PDXK: variants seen among roughly 807,000 people sequenced by gnomAD.
PDXK encodes the protein pyridoxal kinase.
PDXK carries 15 observed loss-of-function variants against 43.2 expected under a neutral mutation model. The ratio of observed to expected loss-of-function variants is 0.35; its 90% CI spans 0.23 to 0.53. PDXK has a LOEUF of 0.53. Among genes scored for constraint, PDXK ranks in the 20% least tolerant of loss-of-function variants. PDXK has a pLI of 0.92. For synonymous variants in PDXK, 172 were observed against 165.4 expected, an observed-to-expected ratio of 1.04 and a Z score of -0.31; for missense variants, 343 against 417.0, an observed-to-expected ratio of 0.82 and a Z score of 1.54.
intron 7 of PDXK, among the ~76,000 whole-genome samples, 200 bp downstream of exon 7, chr21:43,750,745 GTGTGCA>G (rs759824544): frequency 1.7e-4 from 25 of 149,766 alleles, no homozygotes; most frequent in Non-Finnish European, 2.9e-4. Flanking sequence ...GTGTGTGTGT[GTGTGCA>G]TGTGTGCGTG....
At position 43,737,591 on chromosome 21, in the gene PDXK, G is replaced by T; in HGVS notation, c.142+3468G>T. 1 of 990,990 alleles carries T rather than the reference G, an allele frequency of 1.0e-6. No individual in the cohort carries two copies. Among genetic ancestry groups the T allele is most frequent in the Non-Finnish European group, 1.2e-6 (1 of 833,488 alleles). 61.4% of individuals were successfully genotyped at this position (990,990 alleles called of 1,614,324 possible). ...GAGGGGATGGGACAGGTGCCCTGCT[G>T]CTGGGCTTGGTGGTCCCTGCTGCAG... On this transcript the variant is annotated intron_variant, in intron 2 of 10. Transcript: ENST00000291565. This position sits in a 1 kb window ranked among gnomAD's most constrained non-coding sequence, Gnocchi z 4.8.
chr21:43,741,540 T>G, intron 2 of PDXK, 127 bp from the exon 3 acceptor site: 1 of 1,505,166 alleles, frequency 6.6e-7, no homozygotes, highest in Non-Finnish European at 8.9e-7. Context: ...CCTTCGGGTT[T>G]GAGCCAGTCC....
In PDXK at chr21:43,746,275, G is replaced by A. The variant is rs1488532368; in HGVS notation, c.378+150G>A. On this transcript the variant is annotated intron_variant, in intron 5 of 10. Coordinates refer to ENST00000291565, the MANE Select transcript of PDXK (RefSeq NM_003681.5). ...ACAAACCTTGTTAGGAAGGAGAAAG[G>A]GAACCGACATATTTTCTGTAAAGTG... 2.4e-5 allele frequency: 17 copies of A among 702,238 alleles called. No homozygotes were observed. In the Admixed American group the frequency reaches 3.7e-4, roughly 15 times the overall value. 43.5% of individuals were successfully genotyped at this position (702,238 alleles called of 1,614,324 possible).
intron 7 of PDXK, among the ~76,000 whole-genome samples, chr21:43,751,649 G>A (rs2147308641): frequency 6.6e-6 from 1 of 152,354 alleles, no homozygotes; most frequent in South Asian, 2.1e-4. Flanking sequence ...CTCAGGGTCT[G>A]GCGGGGGCTA....
chr21:43,738,086 C>CA, intron 2 of PDXK: 1 of 977,858 alleles, frequency 1.0e-6, no homozygotes. Context: ...TACGTCCCCC[C>CA]AAATTCTCAT....
At chr21:43,728,894 C>G (rs1324549607) in intron 1 of PDXK, 1 of 985,444 alleles carries the variant, frequency 1.0e-6, no homozygotes, top group Non-Finnish European at 1.2e-6. Flanking sequence ...AGTTGCGACC[C>G]TTTCTAAGCC....
chr21:43,743,778 T>A lies in PDXK; in HGVS notation c.302T>A (p.Leu101Gln). The A allele has an allele frequency of 6.2e-7, 1 of 1,613,714 alleles. No individual in the cohort carries two copies. Among genetic ancestry groups the A allele is most frequent in the Non-Finnish European group, 8.5e-7 (1 of 1,179,712 alleles). ...ATGGTGGTGGACATTGTGCAGGAGC[T>A]GAAGCAGCAGAACCCCAGGCTGGTG... is the stretch of plus-strand genomic sequence containing the variant. ...LAMVVDIVQE[L>Q]KQQNPRLVYV... Residue 101 changes from leucine (L) to glutamine (Q), a missense_variant, in exon 4 of 11, where the codon CTG becomes CAG. Coordinates refer to ENST00000291565, the MANE Select transcript of PDXK (RefSeq NM_003681.5).
intron 4 of PDXK, among the ~76,000 whole-genome samples, chr21:43,744,239 G>T (rs1347541072): frequency 1.3e-5 from 2 of 152,030 alleles, no homozygotes; most frequent in African/African-American, 4.8e-5. Context: ...GGGAGGGAGG[G>T]TCACACCCAG....
intron 9 of PDXK, 164 bp from the exon 10 acceptor site, chr21:43,755,534 A>G: frequency 1.5e-6 from 1 of 664,298 alleles, no homozygotes; most frequent in Non-Finnish European, 2.7e-6. Flanking sequence ...GGCAGTCCGC[A>G]GCCTGTCCTC....
Position 43,735,744 on chromosome 21 carries a change from G to C in PDXK, c.142+1621G>C, listed in dbSNP as rs58966243. 6.6e-6 allele frequency among the ~76,000 whole-genome samples: 1 copy of C among 152,104 alleles called. No homozygotes were observed. Among genetic ancestry groups the C allele is most frequent in the African/African-American group, 2.4e-5 (1 of 41,420 alleles). On this transcript the variant is annotated intron_variant, in intron 2 of 10. Transcript: ENST00000291565. The surrounding 1 kb of genome is among the most constrained non-coding windows in gnomAD (Gnocchi z 5.3). ...CCCAGCCCCCTGTACCCACACTCTCGGGGTCAGCTGTCTGTGCGGCCTGAT... is the reference window on the plus strand; with the variant it reads ...CCCAGCCCCCTGTACCCACACTCTCCGGGTCAGCTGTCTGTGCGGCCTGAT...
intron 1 of PDXK, among the ~76,000 whole-genome samples, chr21:43,733,056 A>T (rs1303792088): frequency 3.3e-5 from 5 of 152,206 alleles, no homozygotes; most frequent in Admixed American, 6.5e-5. Flanking sequence ...CCGCAAAAAA[A>T]GTTAAAGTGC....
At chr21:43,719,625 G>C (rs983719484) in intron 1 of PDXK, 1 of 985,310 alleles carries the variant, frequency 1.0e-6, no homozygotes, top group African/African-American at 1.7e-5. Flanking sequence ...GGGTACGCGG[G>C]TAGGAGGGAG....
At position 43,761,175 on chromosome 21, in the gene PDXK, C is replaced by A. The variant is rs2147345534; in HGVS notation, c.*5112C>A. ...GAGCAAGAGATGTCCCCTTCCATCTCTGACCCTTGCCTGGGACAAGCTTTG... is the reference window on the plus strand; with the variant it reads ...GAGCAAGAGATGTCCCCTTCCATCTATGACCCTTGCCTGGGACAAGCTTTG... On this transcript the variant is annotated 3_prime_UTR_variant, in exon 11 of 11. Transcript: ENST00000291565. 6.6e-6 allele frequency: 1 copy of A among 152,368 alleles called. No individual in the cohort carries two copies. The highest frequency in any genetic ancestry group is 2.4e-5 in the African/African-American group (1 of 41,588). 9.4% of individuals were successfully genotyped at this position (152,368 alleles called of 1,614,324 possible). A position where few individuals can be genotyped will look rare whatever the true frequency, so the allele number is the denominator to read the frequency against.
At chr21:43,727,334 G>A (rs567193024) in intron 1 of PDXK, among the ~76,000 whole-genome samples, 1 of 152,080 alleles carries the variant, frequency 6.6e-6, no homozygotes. Flanking sequence ...GCAAAAAACC[G>A]TGCAATCAGC....
At chr21:43,743,585 T>C (rs1269405790) in intron 3 of PDXK, 139 bp from the exon 4 acceptor site, 8 of 409,890 alleles carry the variant, frequency 2.0e-5, no homozygotes, top group Non-Finnish European at 3.9e-5. Flanking sequence ...CTGAGCACTG[T>C]GGGGACACCT....
At position 43,758,372 on chromosome 21, in the gene PDXK, G is replaced by C. The variant is rs947101116; in HGVS notation, c.*2309G>C. On this transcript the variant is annotated 3_prime_UTR_variant, in exon 11 of 11. Coordinates refer to ENST00000291565, the MANE Select transcript of PDXK (RefSeq NM_003681.5). ...AGGAGAGGCCTGGGCTGCGACTAAG[G>C]AGAAAGAAATCGGGGGTTTCTGAGA... is the stretch of plus-strand genomic sequence containing the variant. 1 of 153,532 alleles carries C rather than the reference G, an allele frequency of 6.5e-6. No homozygotes were observed. Among genetic ancestry groups the C allele is most frequent in the Non-Finnish European group, 1.5e-5 (1 of 68,056 alleles). The allele number at this position is 153,532 out of a possible 1,614,324, so 9.5% of individuals were successfully genotyped here.
intron 5 of PDXK, 131 bp downstream of exon 5, chr21:43,746,256 C>T (rs1568987678): frequency 5.3e-6 from 4 of 750,920 alleles, no homozygotes; most frequent in African/African-American, 1.7e-5. Context: ...AAAGACAAAC[C>T]TTGTTAGGAA....
At chr21:43,725,452 T>TTAAA (rs139129944) in intron 1 of PDXK, among the ~76,000 whole-genome samples, 26 of 152,308 alleles carry the variant, frequency 1.7e-4, no homozygotes, top group African/African-American at 6.3e-4. Flanking sequence ...ACCCTGCCTT[T>TTAAA]TAAAAGACAT....
chr21:43,742,823 G>A (rs74425417), intron 3 of PDXK, among the ~76,000 whole-genome samples: 4,656 of 152,236 alleles, frequency 0.031, 235 homozygotes, highest in African/African-American at 0.1. Flanking sequence ...AGCTATGGTT[G>A]AACCACTGCA....
Sources: allele counts gnomAD v4.1 joint callset (sites outside exome capture counted in the v4.1 genomes callset), GRCh38; gene constraint gnomAD v4.1.1; non-coding constraint Gnocchi (gnomAD v3.1); transcripts MANE v1.5; gene names NCBI Gene and HGNC (gene_info 2026-07-23, HGNC 2026-07-21).